The following SYT7 variants were observed in gnomAD, a reference collection of about 807,000 sequenced individuals.
SYT7 encodes the protein synaptotagmin-7.
Under a neutral mutation model 75.1 loss-of-function variants are expected in SYT7, and 29 were observed. The ratio of observed to expected loss-of-function variants is 0.39; its 90% confidence interval spans 0.29 to 0.53. The LOEUF is 0.53. SYT7 is among the 20% of genes least tolerant of loss of function. The pLI is 0.77. For missense variants in SYT7, 693 were observed against 953.2 expected, an observed-to-expected ratio of 0.73 and a Z score of 3.59; for synonymous variants, 376 against 401.7, an observed-to-expected ratio of 0.94 and a Z score of 0.76.
Position 61,518,681 on chromosome 11 carries a change from G to T in SYT7, c.2007C>A (p.Asp669Glu). 6.5e-7 allele frequency: 1 copy of T among 1,550,308 alleles called. No individual in the cohort carries two copies. The highest frequency in any genetic ancestry group is 8.7e-7 in the Non-Finnish European group (1 of 1,146,158). The change falls in exon 13 of 13, where the codon GAC becomes GAA. Residue 669 changes from aspartate to glutamate, a missense_variant. Around this residue, in one of 2 missense-constraint regions of SYT7, gnomAD observed 206 missense variants for 360.0 expected, o/e 0.57. Transcript: ENST00000539008. ...SGPGEVKHWK[D>E]MIARPRQPVA... Reference sequence around the variant, plus strand: ...CGGGCTGCCGGGGACGGGCAATCATGTCCTTCCAGTGCTTCACCTCCCCTG... The same window carrying T: ...CGGGCTGCCGGGGACGGGCAATCATTTCCTTCCAGTGCTTCACCTCCCCTG...
chr11:61,575,636 G>A lies in SYT7; in HGVS notation c.31+5154C>T, dbSNP rs979957388. 3.9e-5 allele frequency among the ~76,000 whole-genome samples: 6 copies of A among 152,328 alleles called. No individual in the cohort carries two copies. In the East Asian group the frequency reaches 5.8e-4, roughly 15 times the overall value. ...TGGCCATGCCAGCAGGTGGGAGGGTGTGGCAGGGGGTAGGCAGGGTCCCTG... is the reference window on the plus strand; with the variant it reads ...TGGCCATGCCAGCAGGTGGGAGGGTATGGCAGGGGGTAGGCAGGGTCCCTG... On this transcript the variant is annotated intron_variant, in intron 1 of 12. Transcript: ENST00000539008.
In SYT7 at chr11:61,524,183, C is replaced by T. The variant is rs1030359245; in HGVS notation, c.1641+180G>A. ...TCCTTCTTACAGATCGGGTGAGTCC[C>T]CCCAAGTGCCAAGCACCAATGTTCT... On this transcript the variant is annotated intron_variant, in intron 10 of 12. Coordinates refer to ENST00000539008, the MANE Select transcript of SYT7 (RefSeq NM_001365809.2). This position sits in a 1 kb window ranked among gnomAD's most constrained non-coding sequence, Gnocchi z 4.1. 3.3e-5 allele frequency among the ~76,000 whole-genome samples: 5 copies of T among 152,194 alleles called. No individual in the cohort carries two copies. The highest frequency in any genetic ancestry group is 9.7e-5 in the African/African-American group (4 of 41,444).
rs554470348 is a variant in SYT7 at position 61,545,723 on chromosome 11, A to G, written c.572+308T>C. 1.3e-4 allele frequency among the ~76,000 whole-genome samples: 20 copies of G among 152,328 alleles called. No individual in the cohort carries two copies. The South Asian group carries it at 4.1e-3, about 32-fold the overall frequency. On this transcript the variant is annotated intron_variant, in intron 5 of 12. Transcript: ENST00000539008. ...TGGCTGAGATGGGGGGGCCAATCAAAGAGGATGGGATGACCCAGGGACTGA... is the reference window on the plus strand; with the variant it reads ...TGGCTGAGATGGGGGGGCCAATCAAGGAGGATGGGATGACCCAGGGACTGA...
rs60485521 is a variant in SYT7 at position 61,563,846 on chromosome 11, A to G, written c.32-7639T>C. On this transcript the variant is annotated intron_variant, in intron 1 of 12. Transcript: ENST00000539008. The stretch of plus-strand genomic sequence containing the variant: ...TTAGCTCTTTCTGTGTCCTTCCCCA[A>G]CTGGGAGCACCTAGAGGATTGAGAC... Among the ~76,000 whole-genome samples, 339 of 152,258 alleles carry G rather than the reference A, an allele frequency of 2.2e-3. 3 individuals carry two copies. Among genetic ancestry groups the G allele is most frequent in the African/African-American group, 8.0e-3 (331 of 41,556 alleles).
chr11:61,587,600 C>T, the SYT7 span, among the ~76,000 whole-genome samples: 1 of 152,250 alleles, frequency 6.6e-6, no homozygotes, highest in African/African-American at 2.4e-5. Context: ...CAGGGCCGCG[C>T]AGAAGGCGCG....
At chr11:61,527,422 G>C (rs186160932) in intron 9 of SYT7, among the ~76,000 whole-genome samples, 2 of 152,340 alleles carry the variant, frequency 1.3e-5, no homozygotes, top group East Asian at 3.9e-4. Flanking sequence ...TAAGTGGCAA[G>C]AGCTGGGATT....
Position 61,581,041 on chromosome 11 carries a change from C to A in SYT7, c.-221G>T. 1 of 720,634 alleles carries A rather than the reference C, an allele frequency of 1.4e-6. No homozygotes were observed. The highest frequency in any genetic ancestry group is 1.7e-6 in the Non-Finnish European group (1 of 589,894). The allele number at this position is 720,634 out of a possible 1,614,324, so 44.6% of individuals were successfully genotyped here. A position where few individuals can be genotyped will look rare whatever the true frequency, so the allele number is the denominator to read the frequency against. Reference sequence around the variant, plus strand: ...CGCTGCCGCCGCCGCCGAACAGCGCCGAGCCGCCTCCCTCCGGCCTGCGCG... The same window carrying A: ...CGCTGCCGCCGCCGCCGAACAGCGCAGAGCCGCCTCCCTCCGGCCTGCGCG... On this transcript the variant is annotated 5_prime_UTR_variant, in exon 1 of 13. Coordinates refer to ENST00000539008, the MANE Select transcript of SYT7 (RefSeq NM_001365809.2).
At position 61,538,346 on chromosome 11, in the gene SYT7, G is replaced by GGGGA. The variant is rs1412784519; in HGVS notation, c.942-81_942-80insTCCC. ...GGGGGCAGGGGGGAAGGAGAGAGAG[G>GGGGA]GAGAGAGAGAGAGAGAGAGAGAGAG... On this transcript the variant is annotated intron_variant, in intron 6 of 12. Coordinates refer to ENST00000539008, the MANE Select transcript of SYT7 (RefSeq NM_001365809.2). 494 of 203,300 alleles carry GGGGA rather than the reference G, an allele frequency of 2.4e-3. 2 individuals are homozygous for GGGGA. Among genetic ancestry groups the GGGGA allele is most frequent in the Non-Finnish European group, 3.6e-3 (426 of 118,886 alleles). The allele number at this position is 203,300 out of a possible 1,614,324, so 12.6% of individuals were successfully genotyped here.
intron 12 of SYT7, among the ~76,000 whole-genome samples, chr11:61,518,970 T>C (rs1212038026): frequency 6.6e-6 from 1 of 152,226 alleles, no homozygotes; most frequent in African/African-American, 2.4e-5. Context: ...CTCTCGGAAT[T>C]AGACTGCCAA....
intron 7 of SYT7, among the ~76,000 whole-genome samples, chr11:61,534,075 T>C (rs1271348627): frequency 6.6e-6 from 1 of 152,128 alleles, no homozygotes; most frequent in East Asian, 1.9e-4. Flanking sequence ...ACTAAAAGCC[T>C]GCCCAGGGAC....
Position 61,551,325 on chromosome 11 carries a change from G to T in SYT7, c.215+59C>A. On this transcript the variant is annotated intron_variant, in intron 3 of 12. Transcript: ENST00000539008. This position sits in a 1 kb window ranked among gnomAD's most constrained non-coding sequence, Gnocchi z 5.3. Reference sequence around the variant, plus strand: ...TCTGTGGGGCTGGGGGAGAGAAGGGGCTCCTCCCACCTGGGCTGCTTGTGT... The same window carrying T: ...TCTGTGGGGCTGGGGGAGAGAAGGGTCTCCTCCCACCTGGGCTGCTTGTGT... 1 of 1,518,468 alleles carries T rather than the reference G, an allele frequency of 6.6e-7. No homozygotes were observed. The highest frequency in any genetic ancestry group is 9.1e-7 in the Non-Finnish European group (1 of 1,097,000). The allele number at this position is 1,518,468 out of a possible 1,614,324, so 94.1% of individuals were successfully genotyped here.
rs57130939 is a variant in SYT7, at chr11:61,542,866, C to A, written c.573-287G>T. On this transcript the variant is annotated intron_variant, in intron 5 of 12. Coordinates refer to ENST00000539008, the MANE Select transcript of SYT7 (RefSeq NM_001365809.2). This position sits in a 1 kb window ranked among gnomAD's most constrained non-coding sequence, Gnocchi z 7.8. Reference sequence around the variant, plus strand: ...AATACCTCCTGGCTAGGCCGACCTCCCTGCCGGTCTGAGTGGGCTGCGAGT... The same window carrying A: ...AATACCTCCTGGCTAGGCCGACCTCACTGCCGGTCTGAGTGGGCTGCGAGT... Among the ~76,000 whole-genome samples, 1 of 152,216 alleles carries A rather than the reference C, an allele frequency of 6.6e-6. No individual in the cohort carries two copies. Among genetic ancestry groups the A allele is most frequent in the Non-Finnish European group, 1.5e-5 (1 of 68,030 alleles).
intron 1 of SYT7, among the ~76,000 whole-genome samples, chr11:61,577,489 G>A (rs143048576): frequency 2.0e-5 from 3 of 152,178 alleles, no homozygotes; most frequent in Non-Finnish European, 4.4e-5. Context: ...GTTCCTCAGG[G>A]CATACCCTTG....
chr11:61,556,406 T>C (rs2063503126), intron 1 of SYT7, among the ~76,000 whole-genome samples, 199 bp from the exon 2 acceptor site: 1 of 152,238 alleles, frequency 6.6e-6, no homozygotes. Context: ...TTTCCTCATC[T>C]GTAAAATGGG....
chr11:61,571,876 G>A (rs2063931430), intron 1 of SYT7, among the ~76,000 whole-genome samples: 1 of 152,142 alleles, frequency 6.6e-6, no homozygotes, highest in African/African-American at 2.4e-5. Context: ...GGGGTCAGAT[G>A]GGGACCCTGG....
chr11:61,572,709 T>C (rs1215522784), intron 1 of SYT7, among the ~76,000 whole-genome samples: 1 of 152,142 alleles, frequency 6.6e-6, no homozygotes, highest in African/African-American at 2.4e-5. Flanking sequence ...TTCCCTGACC[T>C]TCCATTTCTC....
chr11:61,546,772 C>T lies in SYT7; in HGVS notation c.347+405G>A, dbSNP rs1590890873. The T allele has an allele frequency of 7.7e-6, 3 of 390,570 alleles. No homozygotes were observed. The highest frequency in any genetic ancestry group is 1.5e-5 in the Non-Finnish European group (3 of 199,756). The allele number at this position is 390,570 out of a possible 1,614,324, so 24.2% of individuals were successfully genotyped here. A position where few individuals can be genotyped will look rare whatever the true frequency, so the allele number is the denominator to read the frequency against. ...ACCACCGCCACGAACCACCGACCACCGACCACCGACCACCGAGCAGCCACG... is the reference window on the plus strand; with the variant it reads ...ACCACCGCCACGAACCACCGACCACTGACCACCGACCACCGAGCAGCCACG... On this transcript the variant is annotated intron_variant, in intron 4 of 12. Transcript: ENST00000539008. The surrounding 1 kb of genome is among the most constrained non-coding windows in gnomAD (Gnocchi z 7.6).
intron 8 of SYT7, chr11:61,530,857 C>A: frequency 1.0e-6 from 1 of 985,436 alleles, no homozygotes; most frequent in Non-Finnish European, 1.2e-6. Context: ...ACAGAGCCAT[C>A]TCTGTGGCAG....
rs1020223801 is a variant in SYT7 at position 61,576,666 on chromosome 11, T to A, written c.31+4124A>T. Among the ~76,000 whole-genome samples the A allele has an allele frequency of 2.3e-5, 3 of 132,628 alleles. No homozygotes were observed. Among genetic ancestry groups the A allele is most frequent in the Admixed American group, 8.9e-5 (1 of 11,264 alleles). 87.0% of individuals were successfully genotyped at this position (132,628 alleles called of 152,430 possible). On this transcript the variant is annotated intron_variant, in intron 1 of 12. Transcript: ENST00000539008. This position sits in a 1 kb window ranked among gnomAD's most constrained non-coding sequence, Gnocchi z 4.1. ...AGTTATTGAAAACGAAAACGGTCCA[T>A]CAGATTCAATAAGGATTCAAAGTCC...
Sources: gnomAD v4.1 joint callset for allele counts (sites outside exome capture counted in the v4.1 genomes callset) on GRCh38, gnomAD v4.1.1 for gene constraint, gnomAD v4.1.1 regional missense constraint, Gnocchi (gnomAD v3.1) non-coding constraint, MANE v1.5 for transcripts, NCBI Gene and HGNC (gene_info 2026-07-23, HGNC 2026-07-21) for gene names.